The following AGMO variants were observed in gnomAD, a reference collection of about 807,000 sequenced individuals.
The protein encoded by AGMO is alkylglycerol monooxygenase.
A neutral mutation model predicts 60.2 loss-of-function variants in AGMO; 75 were observed. The ratio of observed to expected loss-of-function variants is 1.25; its 90% CI spans 1.03 to 1.51. The LOEUF is 1.51. Ranked by LOEUF, AGMO falls within the 40% of genes most tolerant of loss-of-function variation. AGMO has a pLI of 0.00. For synonymous variants in AGMO, 261 were observed against 177.1 expected, an observed-to-expected ratio of 1.47 and a Z score of -3.76; for missense variants, 763 against 525.5, an observed-to-expected ratio of 1.45 and a Z score of -4.42.
chr7:15,525,020 T>C (rs1784087384), intron 3 of AGMO, among the ~76,000 whole-genome samples: 1 of 152,110 alleles, frequency 6.6e-6, no homozygotes. Flanking sequence ...CTCTTCTTGG[T>C]CAAGGGGACC....
intron 12 of AGMO, among the ~76,000 whole-genome samples, chr7:15,247,179 A>C (rs1000995521): frequency 2.6e-5 from 4 of 152,144 alleles, no homozygotes; most frequent in African/African-American, 9.7e-5. Flanking sequence ...GAAACAAATT[A>C]AATGTCCAAC....
chr7:15,393,303 A>G (rs1784225357), intron 6 of AGMO, among the ~76,000 whole-genome samples: 1 of 152,254 alleles, frequency 6.6e-6, no homozygotes, highest in Non-Finnish European at 1.5e-5. Context: ...AAGACTGGAA[A>G]CTTATAGAAA....
chr7:15,183,594 A>T, the AGMO span, among the ~76,000 whole-genome samples: 2 of 152,142 alleles, frequency 1.3e-5, no homozygotes, highest in African/African-American at 4.8e-5. Flanking sequence ...TCAGATTCTT[A>T]CATTTAATGA....
intron 12 of AGMO, among the ~76,000 whole-genome samples, chr7:15,285,976 A>T (rs1313191972): frequency 3.3e-5 from 5 of 152,148 alleles, no homozygotes; most frequent in African/African-American, 4.8e-5. Flanking sequence ...AATTGGGGAA[A>T]GGACACCTTA....
At chr7:15,517,613 G>C (rs564124079) in intron 3 of AGMO, among the ~76,000 whole-genome samples, 75 of 151,988 alleles carry the variant, frequency 4.9e-4, no homozygotes, top group Middle Eastern at 6.8e-3. Flanking sequence ...ACTGTGCCTT[G>C]AGAAAAGGTG....
the AGMO span, among the ~76,000 whole-genome samples, chr7:15,142,526 A>C: frequency 6.6e-6 from 1 of 152,294 alleles, no homozygotes; most frequent in South Asian, 2.1e-4. Context: ...TCTAAACTTT[A>C]CCTTTGGTGT....
chr7:15,561,915 A>G lies in AGMO; in HGVS notation c.-70T>C. 1 of 1,495,104 alleles carries G rather than the reference A, an allele frequency of 6.7e-7. No individual in the cohort carries two copies. The highest frequency in any genetic ancestry group is 1.3e-5 in the South Asian group (1 of 75,436). The allele number at this position is 1,495,104 out of a possible 1,614,324, so 92.6% of individuals were successfully genotyped here. On this transcript the variant is annotated 5_prime_UTR_variant, in exon 1 of 13. Coordinates refer to ENST00000342526, the MANE Select transcript of AGMO (RefSeq NM_001004320.2). ...ATGCTTGAAGCCTGAGGCTGAACAA[A>G]GAGGACGAGATGTGCAGCTCAGAAC...
intron 3 of AGMO, among the ~76,000 whole-genome samples, chr7:15,504,088 C>A (rs139595324): frequency 1.6e-3 from 244 of 151,960 alleles, no homozygotes; most frequent in African/African-American, 5.2e-3. Context: ...CCAATTAATA[C>A]CAGTAGAGGG....
intron 3 of AGMO, among the ~76,000 whole-genome samples, chr7:15,502,695 G>A (rs1783418188): frequency 6.6e-6 from 1 of 152,064 alleles, no homozygotes; most frequent in Non-Finnish European, 1.5e-5. Context: ...CAATGCTTTT[G>A]GTGGTTAGAC....
At chr7:15,546,784 G>A (rs1784793190) in intron 2 of AGMO, among the ~76,000 whole-genome samples, 1 of 152,236 alleles carries the variant, frequency 6.6e-6, no homozygotes, top group Admixed American at 6.5e-5. Context: ...TAGGCGGTGA[G>A]AACAAATTCT....
chr7:15,380,882 A>G (rs568165617), intron 10 of AGMO, among the ~76,000 whole-genome samples: 9 of 152,134 alleles, frequency 5.9e-5, no homozygotes, highest in Admixed American at 3.9e-4. Flanking sequence ...ACACTGCACA[A>G]CTACAACTAT....
At chr7:15,312,750 G>C (rs1780804093) in intron 12 of AGMO, among the ~76,000 whole-genome samples, 1 of 150,716 alleles carries the variant, frequency 6.6e-6, no homozygotes. Context: ...TGGCAATGAT[G>C]TCTGCTCACT....
At chr7:15,150,344 G>T in the AGMO span, among the ~76,000 whole-genome samples, 1 of 152,120 alleles carries the variant, frequency 6.6e-6, no homozygotes, top group African/African-American at 2.4e-5. Context: ...ATGATAAATA[G>T]GAATGAATGC....
chr7:15,185,928 T>C, the AGMO span, among the ~76,000 whole-genome samples: 1 of 152,240 alleles, frequency 6.6e-6, no homozygotes, highest in African/African-American at 2.4e-5. Context: ...TGCCTCATAA[T>C]GATTTTCAAA....
At chr7:15,518,039 A>C (rs546366737) in intron 3 of AGMO, among the ~76,000 whole-genome samples, 1 of 152,158 alleles carries the variant, frequency 6.6e-6, no homozygotes, top group Non-Finnish European at 1.5e-5. Flanking sequence ...CAGTGTAAAA[A>C]AGCCACCAGG....
chr7:15,393,631 G>A (rs754583315), intron 6 of AGMO, among the ~76,000 whole-genome samples: 44 of 152,088 alleles, frequency 2.9e-4, no homozygotes, highest in African/African-American at 4.8e-4. Flanking sequence ...GGATTTTCTC[G>A]TCAGGGAAAC....
At chr7:15,183,043 C>G in the AGMO span, among the ~76,000 whole-genome samples, 1 of 152,064 alleles carries the variant, frequency 6.6e-6, no homozygotes, top group Non-Finnish European at 1.5e-5. Context: ...CAGGTCTCAC[C>G]TTCAACATTG....
In AGMO at chr7:15,303,871, T is replaced by C. The variant is rs1014742010; in HGVS notation, c.1263+61643A>G. 5.9e-5 allele frequency among the ~76,000 whole-genome samples: 9 copies of C among 152,200 alleles called. No homozygotes were observed. In the East Asian group the frequency reaches 7.7e-4, roughly 13 times the overall value. ...CATATATTCTTGTTGCTGTGTTTAA[T>C]TGTGAGGATCAATTCTTTCTCTGAT... On this transcript the variant is annotated intron_variant, in intron 12 of 12. Coordinates refer to ENST00000342526, the MANE Select transcript of AGMO (RefSeq NM_001004320.2).
At chr7:15,395,475 G>A (rs901732704) in intron 5 of AGMO, among the ~76,000 whole-genome samples, 1 of 151,936 alleles carries the variant, frequency 6.6e-6, no homozygotes, top group African/African-American at 2.4e-5. Flanking sequence ...GTATTAATAG[G>A]AAAAAATATT....
Sources: allele counts gnomAD v4.1 joint callset (sites outside exome capture counted in the v4.1 genomes callset), GRCh38; gene constraint gnomAD v4.1.1; transcripts MANE v1.5; gene names NCBI Gene and HGNC (gene_info 2026-07-23, HGNC 2026-07-21).